TNS3: variants seen among roughly 807,000 people sequenced by gnomAD.
TNS3 encodes tensin-3.
Under a neutral mutation model 140.9 loss-of-function variants are expected in TNS3, and 45 were observed. The observed-to-expected ratio is 0.32, with a 90% confidence interval of 0.25 to 0.41. The LOEUF (loss-of-function observed/expected upper bound fraction) is 0.41, where lower values mean the gene tolerates loss of function less well. TNS3 is among the 10% of genes least tolerant of loss of function. The probability of loss-of-function intolerance (pLI) is 1.00; values close to 1 mark genes in which losing one functional copy is unlikely to be tolerated. For missense variants in TNS3, 1,716 were observed against 1,906.7 expected (o/e 0.90, Z 1.86); for synonymous variants, 815 against 788.4 (o/e 1.03, Z -0.56).
At chr7:47,340,601 A>C (rs1429220200) in intron 20 of TNS3, among the ~76,000 whole-genome samples, 1 of 36,944 alleles carries the variant, frequency 2.7e-5, no homozygotes, top group African/African-American at 7.2e-5. Flanking sequence ...TTTTTTTTTG[A>C]GACAGAGTCT....
chr7:47,288,085 G>A lies in TNS3; in HGVS notation c.3928+3870C>T, dbSNP rs547079355. Among the ~76,000 whole-genome samples, 6 of 152,286 alleles carry A rather than the reference G, an allele frequency of 3.9e-5. No homozygotes were observed. In the South Asian group the frequency reaches 1.2e-3, roughly 32 times the overall value. ...TTCCACACTTACTGGGTGAATGCAG[G>A]ATAACTAAGAAGCTTAAGGAGAAAA... is the stretch of plus-strand genomic sequence containing the variant. On this transcript the variant is annotated intron_variant, in intron 27 of 30. Coordinates refer to ENST00000311160, the MANE Select transcript of TNS3 (RefSeq NM_022748.12).
chr7:47,475,748 C>T (rs1443979222), intron 4 of TNS3, among the ~76,000 whole-genome samples: 1 of 152,230 alleles, frequency 6.6e-6, no homozygotes, highest in Non-Finnish European at 1.5e-5. Context: ...TGCCCTTGAA[C>T]TTCAATCAAA....
rs77967308 is a variant in TNS3 at position 47,372,660 on chromosome 7, G to A, written c.1025-3039C>T. On this transcript the variant is annotated intron_variant, in intron 16 of 30. Transcript: ENST00000311160. Reference sequence around the variant, plus strand: ...ACCATTGACTAAACACTCCATCTACGTCAGGCCCATTCTGAGCACTCAGAG... The same window carrying A: ...ACCATTGACTAAACACTCCATCTACATCAGGCCCATTCTGAGCACTCAGAG... Among the ~76,000 whole-genome samples the A allele has an allele frequency of 3.0e-3, 455 of 152,114 alleles. 2 individuals are homozygous for A. The highest frequency in any genetic ancestry group is 0.01 in the African/African-American group (427 of 41,478).
intron 3 of TNS3, among the ~76,000 whole-genome samples, chr7:47,490,693 G>A (rs1478492277): frequency 1.3e-5 from 2 of 152,348 alleles, no homozygotes; most frequent in South Asian, 4.1e-4. Context: ...GGTGCCCAGT[G>A]CCAATCGTTG....
At chr7:47,574,919 A>T (rs1045876423) in intron 1 of TNS3, among the ~76,000 whole-genome samples, 1 of 152,136 alleles carries the variant, frequency 6.6e-6, no homozygotes, top group African/African-American at 2.4e-5. Context: ...AAATGGAAAG[A>T]GTTCTGGAGC....
At chr7:47,448,466 T>C (rs1795857327) in intron 4 of TNS3, among the ~76,000 whole-genome samples, 1 of 142,888 alleles carries the variant, frequency 7.0e-6, no homozygotes, top group South Asian at 2.2e-4. Flanking sequence ...CCAACTCTGG[T>C]GGGAATTCGA....
At chr7:47,293,290 G>A (rs1199090121) in intron 25 of TNS3, among the ~76,000 whole-genome samples, 1 of 152,210 alleles carries the variant, frequency 6.6e-6, no homozygotes, top group Non-Finnish European at 1.5e-5. Context: ...GCCTAAGGCT[G>A]CACTGTGCTT....
At chr7:47,511,630 T>C (rs1798610628) in intron 2 of TNS3, among the ~76,000 whole-genome samples, 1 of 151,800 alleles carries the variant, frequency 6.6e-6, no homozygotes, top group African/African-American at 2.4e-5. Flanking sequence ...CCGTTCATTC[T>C]CCTTGCCTGA....
chr7:47,503,816 A>G (rs1009677404), intron 3 of TNS3, among the ~76,000 whole-genome samples: 3 of 152,150 alleles, frequency 2.0e-5, no homozygotes, highest in African/African-American at 7.2e-5. Context: ...CAGCAGATTC[A>G]GTGTCTGGTG....
At chr7:47,524,219 T>C (rs889209606) in intron 2 of TNS3, among the ~76,000 whole-genome samples, 1 of 152,188 alleles carries the variant, frequency 6.6e-6, no homozygotes, top group African/African-American at 2.4e-5. Context: ...CCCTTTCACG[T>C]ACACCCCTCC....
chr7:47,379,310 T>G (rs1406282174), intron 16 of TNS3, among the ~76,000 whole-genome samples: 1 of 152,184 alleles, frequency 6.6e-6, no homozygotes, highest in African/African-American at 2.4e-5. Context: ...CAAAAATCAC[T>G]CTCGTTTTTT....
At chr7:47,439,434 C>T in intron 6 of TNS3, 53 bp downstream of exon 6, 1 of 1,593,250 alleles carries the variant, frequency 6.3e-7, no homozygotes. Flanking sequence ...CATCCCTACA[C>T]AGTGCCTGCT....
At chr7:47,382,937 C>T (rs1791858696) in intron 16 of TNS3, among the ~76,000 whole-genome samples, 1 of 152,038 alleles carries the variant, frequency 6.6e-6, no homozygotes, top group South Asian at 2.1e-4. Context: ...AAATAGCAAG[C>T]GGGACAGGAG....
chr7:47,472,578 T>C (rs1272917581), intron 4 of TNS3, among the ~76,000 whole-genome samples: 1 of 152,124 alleles, frequency 6.6e-6, no homozygotes, highest in Non-Finnish European at 1.5e-5. Context: ...ACTTGCTCCC[T>C]GGCAGCTCCC....
rs139404238 is a variant in TNS3 at position 47,425,443 on chromosome 7, A to C, written c.390-1259T>G. ...GGACTTCATAAAAATCCTGGTAGAGAGACAGGCAGGAGGAAAAAGAAACAT... is the reference window on the plus strand; with the variant it reads ...GGACTTCATAAAAATCCTGGTAGAGCGACAGGCAGGAGGAAAAAGAAACAT... On this transcript the variant is annotated intron_variant, in intron 9 of 30. Transcript: ENST00000311160. Among the ~76,000 whole-genome samples, 487 of 152,324 alleles carry C rather than the reference A, an allele frequency of 3.2e-3. 1 individual carries two copies. Among genetic ancestry groups the C allele is most frequent in the African/African-American group, 0.011 (460 of 41,576 alleles).
At chr7:47,518,705 C>A (rs1798864721) in intron 2 of TNS3, among the ~76,000 whole-genome samples, 1 of 152,126 alleles carries the variant, frequency 6.6e-6, no homozygotes, top group Admixed American at 6.5e-5. Flanking sequence ...ATAAATAAAT[C>A]ATTATCCCCC....
intron 6 of TNS3, among the ~76,000 whole-genome samples, chr7:47,438,039 A>AAAT (rs56039512): frequency 0.074 from 10,908 of 147,584 alleles, 436 homozygotes; most frequent in Non-Finnish European, 0.083. Context: ...TTCAAAATGA[A>AAAT]AATAATAATA....
At chr7:47,307,286 G>C (rs868483091) in intron 20 of TNS3, among the ~76,000 whole-genome samples, 1 of 152,116 alleles carries the variant, frequency 6.6e-6, no homozygotes, top group South Asian at 2.1e-4. Context: ...TTTCACTTAA[G>C]AAATTATTTT....
chr7:47,581,840 G>A (rs370493720), intron 1 of TNS3, among the ~76,000 whole-genome samples: 4 of 150,828 alleles, frequency 2.7e-5, no homozygotes, highest in East Asian at 3.9e-4. Flanking sequence ...GGGTTCTCCC[G>A]TGACCCCATC....
Sources: allele counts gnomAD v4.1 joint callset (sites outside exome capture counted in the v4.1 genomes callset), GRCh38; gene constraint gnomAD v4.1.1; transcripts MANE v1.5; gene names NCBI Gene and HGNC (gene_info 2026-07-23, HGNC 2026-07-21).